Variants in TFDP1 observed in about 807,000 individuals in gnomAD.
TFDP1 encodes the protein DRTF1-polypeptide 1.
Under a neutral mutation model 48.0 loss-of-function variants are expected in TFDP1, and 6 were observed. That is an observed-to-expected ratio of 0.13 (90% confidence interval 0.07 to 0.25). TFDP1 has a LOEUF of 0.25. Among genes scored for constraint, TFDP1 ranks in the 10% least tolerant of loss-of-function variants. The pLI is 1.00. For missense variants in TFDP1, 335 were observed against 543.0 expected (o/e 0.62, Z 3.81); for synonymous variants, 201 against 211.6 (o/e 0.95, Z 0.44).
chr13:113,593,263 T>A (rs2048193076), intron 2 of TFDP1, among the ~76,000 whole-genome samples: 1 of 122,514 alleles, frequency 8.2e-6, no homozygotes, highest in Admixed American at 8.7e-5. Flanking sequence ...TACACAGGTG[T>A]CAGGCGTGAT....
At chr13:113,608,620 C>A (rs944370561) in intron 2 of TFDP1, among the ~76,000 whole-genome samples, 1 of 152,244 alleles carries the variant, frequency 6.6e-6, no homozygotes, top group African/African-American at 2.4e-5. Flanking sequence ...GCCTTAACCT[C>A]CTGGCTGTAA....
chr13:113,598,473 G>A lies in TFDP1; in HGVS notation c.13-12523G>A, dbSNP rs544126153. Among the ~76,000 whole-genome samples, 1 of 152,118 alleles carries A rather than the reference G, an allele frequency of 6.6e-6. No homozygotes were observed. The highest frequency in any genetic ancestry group is 2.4e-5 in the African/African-American group (1 of 41,404). On this transcript the variant is annotated intron_variant, in intron 2 of 11. Transcript: ENST00000375370. The surrounding 1 kb of genome is among the most constrained non-coding windows in gnomAD (Gnocchi z 4.2). ...CAAGTGTCTGCTCATGAGTGGATGG[G>A]CCCCACCCTCTGTGCCTGCTGGGGC...
intron 11 of TFDP1, among the ~76,000 whole-genome samples, chr13:113,638,195 T>G (rs1227764924): frequency 6.6e-6 from 1 of 152,250 alleles, no homozygotes; most frequent in Non-Finnish European, 1.5e-5. Flanking sequence ...GCAGCCCAAG[T>G]AACAGCAAGT....
chr13:113,587,643 C>T (rs2048038738), intron 2 of TFDP1, among the ~76,000 whole-genome samples: 1 of 151,884 alleles, frequency 6.6e-6, no homozygotes, highest in African/African-American at 2.4e-5. Context: ...TGCCACCATG[C>T]CTGGCAAATT....
intron 4 of TFDP1, among the ~76,000 whole-genome samples, chr13:113,625,756 ACG>A (rs2049146260): frequency 8.3e-5 from 8 of 95,916 alleles, no homozygotes; most frequent in African/African-American, 3.4e-4. Context: ...GGCGTCTCTC[ACG>A]TGTCCTCAGG....
At position 113,611,072 on chromosome 13, in the gene TFDP1, C is replaced by T. The variant is rs201619580; in HGVS notation, c.79+10C>T. The T allele has an allele frequency of 1.7e-4, 274 of 1,612,418 alleles. No homozygotes were observed. Among genetic ancestry groups the T allele is most frequent in the Non-Finnish European group, 1.6e-4 (184 of 1,178,560 alleles). On this transcript the variant is annotated intron_variant, in intron 3 of 11. Transcript: ENST00000375370. Reference sequence around the variant, plus strand: ...CTTAGTCCCGGGAAAGGTAAGGGCACCTGTTCTGGACACACTCTTGTGTTG... The same window carrying T: ...CTTAGTCCCGGGAAAGGTAAGGGCATCTGTTCTGGACACACTCTTGTGTTG...
chr13:113,591,607 C>T (rs115881629), intron 2 of TFDP1, among the ~76,000 whole-genome samples: 1,939 of 152,264 alleles, frequency 0.013, 42 homozygotes, highest in African/African-American at 0.045. Context: ...ACTTTTCACT[C>T]TTGGTATTTA....
Position 113,637,804 on chromosome 13 carries a change from C to T in TFDP1, c.1007-14C>T. The T allele has an allele frequency of 1.9e-6, 3 of 1,614,246 alleles. No individual in the cohort carries two copies. The highest frequency in any genetic ancestry group is 2.5e-6 in the Non-Finnish European group (3 of 1,180,034). ...TGTTTCATGACCATTCGCTTATTTTCTTTCCCTTTTCAGAAATGGCTCAGG... is the reference window on the plus strand; with the variant it reads ...TGTTTCATGACCATTCGCTTATTTTTTTTCCCTTTTCAGAAATGGCTCAGG... On this transcript the variant is annotated splice_polypyrimidine_tract_variant and intron_variant, in intron 10 of 11. Transcript: ENST00000375370.
At chr13:113,624,519 C>G (rs565499343) in intron 4 of TFDP1, among the ~76,000 whole-genome samples, 152 of 145,066 alleles carry the variant, frequency 1.0e-3, no homozygotes, top group African/African-American at 3.7e-3. Context: ...GTGTCTCTCA[C>G]GTGTCCTCAG....
In TFDP1 at chr13:113,607,782, C is replaced by T. The variant is rs895187272; in HGVS notation, c.13-3214C>T. On this transcript the variant is annotated intron_variant, in intron 2 of 11. Coordinates refer to ENST00000375370, the MANE Select transcript of TFDP1 (RefSeq NM_007111.5). The surrounding 1 kb of genome is among the most constrained non-coding windows in gnomAD (Gnocchi z 5.2). ...TGGCGGTGACGGGGGCCAGTGGTTT[C>T]CTGGACCTGGGTTTCCTGGGTGTGG... is the stretch of plus-strand genomic sequence containing the variant. Among the ~76,000 whole-genome samples the T allele has an allele frequency of 1.3e-5, 2 of 152,134 alleles. No individual in the cohort carries two copies. The highest frequency in any genetic ancestry group is 2.9e-5 in the Non-Finnish European group (2 of 68,022).
intron 3 of TFDP1, among the ~76,000 whole-genome samples, chr13:113,613,556 CTG>C (rs1264555841): frequency 6.6e-6 from 1 of 150,466 alleles, no homozygotes; most frequent in Non-Finnish European, 1.5e-5. Context: ...GTGTGTGTCA[CTG>C]AGTGTGCATA....
Position 113,587,474 on chromosome 13 carries a change from C to T in TFDP1, c.12+1625C>T, listed in dbSNP as rs111554942. ...AACAAGTCAAGGAATTTGATGTTTTCGCTAGCTCTTTTTTTTTTTTTTTTT... is the reference window on the plus strand; with the variant it reads ...AACAAGTCAAGGAATTTGATGTTTTTGCTAGCTCTTTTTTTTTTTTTTTTT... On this transcript the variant is annotated intron_variant, in intron 2 of 11. Coordinates refer to ENST00000375370, the MANE Select transcript of TFDP1 (RefSeq NM_007111.5). 7.6e-3 allele frequency among the ~76,000 whole-genome samples: 1,133 copies of T among 148,336 alleles called. 4 individuals carry two copies. The highest frequency in any genetic ancestry group is 0.013 in the Non-Finnish European group (907 of 67,328).
chr13:113,591,217 C>T (rs2048137057), intron 2 of TFDP1, among the ~76,000 whole-genome samples: 1 of 149,620 alleles, frequency 6.7e-6, no homozygotes, highest in South Asian at 2.1e-4. Context: ...TGGCGGGCGC[C>T]TGTAATCCCA....
At chr13:113,637,340 C>G in intron 10 of TFDP1, 1 of 318,060 alleles carries the variant, frequency 3.1e-6, no homozygotes, top group Non-Finnish European at 6.1e-6. Context: ...AGATTCCTCC[C>G]TGAGCTCTTA....
At position 113,640,207 on chromosome 13, in the gene TFDP1, C is replaced by T; in HGVS notation, c.1173C>T (p.Ser391=). The T allele has an allele frequency of 6.2e-7, 1 of 1,613,542 alleles. No individual in the cohort carries two copies. Among genetic ancestry groups the T allele is most frequent in the Non-Finnish European group, 8.5e-7 (1 of 1,179,776 alleles). Residue 391 remains serine, a synonymous_variant, in exon 12 of 12, where the codon TCC becomes TCT. Coordinates refer to ENST00000375370, the MANE Select transcript of TFDP1 (RefSeq NM_007111.5). The part of the protein sequence containing the change: ...YSGSRVETPV[S]YVGEDDEEDD... ...GCTCCAGGGTGGAGACTCCGGTGTC[C>T]TACGTCGGGGAGGACGACGAGGAGG... is the stretch of plus-strand genomic sequence containing the variant.
intron 3 of TFDP1, among the ~76,000 whole-genome samples, chr13:113,611,658 G>A (rs979974624): frequency 6.6e-6 from 1 of 152,224 alleles, no homozygotes; most frequent in Non-Finnish European, 1.5e-5. Flanking sequence ...GTTCGTGAAG[G>A]TGTGTGTGCT....
chr13:113,636,841 C>T (rs980462880), intron 10 of TFDP1, 141 bp downstream of exon 10: 1 of 1,057,910 alleles, frequency 9.5e-7, no homozygotes, highest in Non-Finnish European at 1.3e-6. Context: ...GACAAAGGGG[C>T]TGTGAGGGGG....
At chr13:113,625,514 CGTGTCCTCAGGTGTTTCTCAG>C (rs1566666845) in intron 4 of TFDP1, among the ~76,000 whole-genome samples, 16 of 108,766 alleles carry the variant, frequency 1.5e-4, no homozygotes, top group Non-Finnish European at 2.3e-4. Flanking sequence ...GTGTCTCTCA[CGTGTCCTCAGGTGTTTCTCAG>C]GTGTCTCTCA....
At chr13:113,628,535 C>G (rs943076604) in intron 4 of TFDP1, among the ~76,000 whole-genome samples, 14 of 152,208 alleles carry the variant, frequency 9.2e-5, no homozygotes, top group African/African-American at 3.4e-4. Context: ...CCTTTCAGCC[C>G]CTGCCTGCCT....
Sources: allele counts gnomAD v4.1 joint callset (sites outside exome capture counted in the v4.1 genomes callset), GRCh38; gene constraint gnomAD v4.1.1; non-coding constraint Gnocchi (gnomAD v3.1); transcripts MANE v1.5; gene names NCBI Gene and HGNC (gene_info 2026-07-23, HGNC 2026-07-21).